The following KCNIP4 variants were observed in gnomAD, a reference collection of about 807,000 sequenced individuals.
KCNIP4 encodes the protein potassium voltage-gated channel interacting protein 4.
In KCNIP4, 12 loss-of-function variants were observed where a neutral mutation model predicts 34.0. The ratio of observed to expected loss-of-function variants is 0.35; its 90% CI spans 0.23 to 0.57. The LOEUF (loss-of-function observed/expected upper bound fraction) is 0.57. KCNIP4 is among the 20% of genes least tolerant of loss of function. KCNIP4 has a pLI of 0.83. For synonymous variants in KCNIP4, 124 were observed against 102.2 expected, an observed-to-expected ratio of 1.21 and a Z score of -1.29; for missense variants, 238 against 311.7, an observed-to-expected ratio of 0.76 and a Z score of 1.78.
chr4:20,731,568 A>G (rs1748222531), intron 8 of KCNIP4: 1 of 985,396 alleles, frequency 1.0e-6, no homozygotes, highest in South Asian at 4.7e-5. Context: ...ACACTAAAAC[A>G]ATGACTTTTC....
rs1285362039 is a variant in KCNIP4 at position 21,652,084 on chromosome 4, T to A, written c.61+296487A>T. Among the ~76,000 whole-genome samples the A allele has an allele frequency of 2.6e-5, 4 of 152,156 alleles. No homozygotes were observed. In the South Asian group the frequency reaches 8.3e-4, roughly 32 times the overall value. On this transcript the variant is annotated intron_variant, in intron 1 of 8. Coordinates refer to ENST00000382152, the MANE Select transcript of KCNIP4 (RefSeq NM_025221.6). The stretch of plus-strand genomic sequence containing the variant: ...GTCTACACCTCTAACACTTCTATAT[T>A]TATTTATTTGCTCATCCATCTAATC...
chr4:21,808,108 A>G (rs1362929975), intron 1 of KCNIP4, among the ~76,000 whole-genome samples: 4 of 152,218 alleles, frequency 2.6e-5, no homozygotes, highest in Admixed American at 6.5e-5. Flanking sequence ...ATCATATATC[A>G]TAGGGTAGAA....
At chr4:21,851,144 A>T (rs60799144) in intron 1 of KCNIP4, 86,251 of 149,712 alleles carry the variant, frequency 0.58, 25,122 homozygotes, top group African/African-American at 0.63. Context: ...ATCCCACCCT[A>T]GCAGACAGAA....
chr4:21,000,129 C>A (rs1211337494), intron 1 of KCNIP4, among the ~76,000 whole-genome samples: 1 of 152,138 alleles, frequency 6.6e-6, no homozygotes, highest in Admixed American at 6.5e-5. Flanking sequence ...CATATACCAT[C>A]GATTCCAGCA....
chr4:21,528,747 GAA>G (rs1191065356), intron 1 of KCNIP4, among the ~76,000 whole-genome samples: 1 of 7,900 alleles, frequency 1.3e-4, no homozygotes, highest in East Asian at 4.5e-3. Flanking sequence ...AAGAAAGAAA[GAA>G]AGAAAGAAAG....
chr4:21,464,542 G>T (rs577410049), intron 1 of KCNIP4, among the ~76,000 whole-genome samples: 3 of 152,120 alleles, frequency 2.0e-5, no homozygotes, highest in African/African-American at 7.2e-5. Context: ...ATTCCACTGT[G>T]GTTGGAGACC....
intron 1 of KCNIP4, among the ~76,000 whole-genome samples, chr4:21,033,409 G>A (rs992403489): frequency 4.6e-5 from 7 of 152,204 alleles, no homozygotes; most frequent in African/African-American, 1.7e-4. Context: ...CAAAAGTCAA[G>A]CAGGGCTATG....
At chr4:21,134,205 G>A (rs1751322638) in intron 1 of KCNIP4, among the ~76,000 whole-genome samples, 1 of 152,114 alleles carries the variant, frequency 6.6e-6, no homozygotes, top group South Asian at 2.1e-4. Flanking sequence ...GAGATAGTAA[G>A]ACCAACCCCT....
intron 1 of KCNIP4, among the ~76,000 whole-genome samples, chr4:21,226,429 T>C (rs910763440): frequency 2.7e-5 from 4 of 150,114 alleles, no homozygotes; most frequent in Non-Finnish European, 5.9e-5. Context: ...GGTTGCCACA[T>C]AGGATTTTGA....
intron 1 of KCNIP4, among the ~76,000 whole-genome samples, chr4:21,559,433 C>A (rs1461852561): frequency 1.3e-5 from 2 of 152,112 alleles, no homozygotes; most frequent in East Asian, 3.9e-4. Flanking sequence ...TATAAGCATT[C>A]ACCATATATG....
chr4:21,261,336 T>G (rs971880595), intron 1 of KCNIP4, among the ~76,000 whole-genome samples: 4 of 149,930 alleles, frequency 2.7e-5, no homozygotes, highest in Non-Finnish European at 5.9e-5. Context: ...AAAAGATTTC[T>G]TTAAGATTAT....
intron 1 of KCNIP4, among the ~76,000 whole-genome samples, chr4:21,101,831 G>T (rs1274505304): frequency 6.6e-6 from 1 of 152,152 alleles, no homozygotes; most frequent in African/African-American, 2.4e-5. Context: ...ACATGACTCA[G>T]ATTACAGAGG....
Position 20,744,604 on chromosome 4 carries a change from C to T in KCNIP4, c.429+5058G>A, listed in dbSNP as rs187107320. ...GACATAGGATGGAGAACATCACACACGGGGGCCTGATGAGGGGTCAGGGGG... is the reference window on the plus strand; with the variant it reads ...GACATAGGATGGAGAACATCACACATGGGGGCCTGATGAGGGGTCAGGGGG... On this transcript the variant is annotated intron_variant, in intron 5 of 8. Transcript: ENST00000382152. Among the ~76,000 whole-genome samples the T allele has an allele frequency of 3.2e-3, 477 of 149,002 alleles. 1 individual carries two copies. The highest frequency in any genetic ancestry group is 0.01 in the African/African-American group (417 of 40,328).
chr4:21,051,910 G>A (rs1307626393), intron 1 of KCNIP4, among the ~76,000 whole-genome samples: 1 of 152,106 alleles, frequency 6.6e-6, no homozygotes, highest in Non-Finnish European at 1.5e-5. Context: ...AATAAGTTTG[G>A]GCTGCAAGGA....
chr4:21,745,633 T>A (rs1047687515), intron 1 of KCNIP4, among the ~76,000 whole-genome samples: 1 of 152,060 alleles, frequency 6.6e-6, no homozygotes, highest in Non-Finnish European at 1.5e-5. Context: ...AAAATTAAAC[T>A]GACAATGTAT....
chr4:21,488,200 A>T (rs947577651), intron 1 of KCNIP4, among the ~76,000 whole-genome samples: 1 of 152,054 alleles, frequency 6.6e-6, no homozygotes, highest in African/African-American at 2.4e-5. Flanking sequence ...GATATATCTG[A>T]CTCTAATCCA....
At chr4:21,034,259 T>G (rs1485933464) in intron 1 of KCNIP4, among the ~76,000 whole-genome samples, 1 of 152,186 alleles carries the variant, frequency 6.6e-6, no homozygotes, top group African/African-American at 2.4e-5. Flanking sequence ...AAGTGAATTA[T>G]ATATAACCCT....
chr4:21,375,931 C>A (rs1440903594), intron 1 of KCNIP4, among the ~76,000 whole-genome samples: 1 of 152,078 alleles, frequency 6.6e-6, no homozygotes, highest in Non-Finnish European at 1.5e-5. Context: ...CAAAAAGGTA[C>A]CTTTCAAGGC....
At chr4:21,749,404 G>C (rs536383414) in intron 1 of KCNIP4, among the ~76,000 whole-genome samples, 2 of 152,088 alleles carry the variant, frequency 1.3e-5, no homozygotes, top group African/African-American at 4.8e-5. Flanking sequence ...CTACCTAGAC[G>C]GTTACATTGT....
Sources: allele counts gnomAD v4.1 joint callset (sites outside exome capture counted in the v4.1 genomes callset), GRCh38; gene constraint gnomAD v4.1.1; transcripts MANE v1.5; gene names NCBI Gene and HGNC (gene_info 2026-07-23, HGNC 2026-07-21).